The following PDE1C variants were observed in gnomAD, a reference collection of about 807,000 sequenced individuals.
The protein encoded by PDE1C is dual specificity calcium/calmodulin-dependent 3',5'-cyclic nucleotide phosphodiesterase 1C.
Under a neutral mutation model 93.1 loss-of-function variants are expected in PDE1C, and 62 were observed. The observed-to-expected ratio is 0.67, with a 90% CI of 0.54 to 0.82. The LOEUF (loss-of-function observed/expected upper bound fraction) is 0.82, where lower values mean the gene tolerates loss of function less well. Ranked by LOEUF, PDE1C falls within the 40% of genes least tolerant of loss-of-function variation. The probability of loss-of-function intolerance (pLI) is 0.00; values close to 1 mark genes in which losing one functional copy is unlikely to be tolerated. For missense variants in PDE1C, 742 were observed against 884.6 expected, an observed-to-expected ratio of 0.84 and a Z score of 2.04; for synonymous variants, 325 against 310.1, an observed-to-expected ratio of 1.05 and a Z score of -0.50.
At chr7:31,642,682 A>T in the PDE1C span, 3 of 1,612,890 alleles carry the variant, frequency 1.9e-6, no homozygotes, top group Non-Finnish European at 2.5e-6. Context: ...TCCCCTACAG[A>T]TGCCTTCCTT....
chr7:31,902,486 A>T (rs1037586502), intron 2 of PDE1C, among the ~76,000 whole-genome samples: 1 of 151,812 alleles, frequency 6.6e-6, no homozygotes, highest in African/African-American at 2.4e-5. Context: ...AATTAGTATG[A>T]TCTTCTTGGT....
the PDE1C span, among the ~76,000 whole-genome samples, chr7:31,647,673 CAAAAAAAAAAAA>C: frequency 2.9e-5 from 2 of 69,340 alleles, no homozygotes; most frequent in Admixed American, 1.9e-4. Flanking sequence ...GTCTCCGTCT[CAAAAAAAAAAAA>C]AAAAAAAAAA....
At chr7:31,747,984 T>C (rs544682767), downstream of PDE1C, among the ~76,000 whole-genome samples, 5 of 152,324 alleles carry the variant, frequency 3.3e-5, no homozygotes, top group African/African-American at 4.8e-5. Context: ...ATCCTGTTCT[T>C]GTGGCCTTTC....
chr7:31,697,874 A>G, the PDE1C span, among the ~76,000 whole-genome samples: 85 of 152,352 alleles, frequency 5.6e-4, no homozygotes, highest in Non-Finnish European at 2.1e-4. Flanking sequence ...TTGCAGACTA[A>G]GAAACAGAGA....
chr7:32,210,761 A>C (rs7796264), intron 1 of PDE1C, among the ~76,000 whole-genome samples: 74,234 of 152,060 alleles, frequency 0.49, 18,774 homozygotes, highest in African/African-American at 0.63. Context: ...TTAATAAATT[A>C]CATCTTAGTA....
intron 2 of PDE1C, among the ~76,000 whole-genome samples, chr7:31,945,766 T>A (rs1806524448): frequency 6.6e-6 from 1 of 152,196 alleles, no homozygotes; most frequent in African/African-American, 2.4e-5. Context: ...TTTCTTCTAC[T>A]CCATTCTCTT....
In PDE1C at chr7:32,278,147, A is replaced by C. The variant is rs577337355; in HGVS notation, c.85+20504T>G. Among the ~76,000 whole-genome samples the C allele has an allele frequency of 2.0e-5, 3 of 148,692 alleles. No individual in the cohort carries two copies. In the South Asian group the frequency reaches 6.4e-4, roughly 32 times the overall value. Reference sequence around the variant, plus strand: ...GTTGCCAAAAAAAAAAAAATGCAGGAGAGAAGGAAGGATTCCAAGAAGATA... The same window carrying C: ...GTTGCCAAAAAAAAAAAAATGCAGGCGAGAAGGAAGGATTCCAAGAAGATA... On this transcript the variant is annotated intron_variant, in intron 1 of 18. Transcript: ENST00000396193.
intron 1 of PDE1C, among the ~76,000 whole-genome samples, chr7:32,323,544 A>C (rs1057089448): frequency 3.3e-5 from 5 of 152,190 alleles, no homozygotes; most frequent in South Asian, 2.1e-4. Context: ...ACATGTGCTC[A>C]ATCTCCAGAA....
chr7:31,682,071 C>T, the PDE1C span, among the ~76,000 whole-genome samples: 1 of 152,182 alleles, frequency 6.6e-6, no homozygotes, highest in South Asian at 2.1e-4. Context: ...TCTTAGCTGT[C>T]TACTTGACCT....
the PDE1C span, among the ~76,000 whole-genome samples, chr7:31,636,781 GGTTT>G: frequency 3.3e-5 from 5 of 151,570 alleles, no homozygotes; most frequent in East Asian, 1.9e-4. Flanking sequence ...GTAATGTGCA[GGTTT>G]GTTACATATG....
chr7:32,415,766 TG>T (rs1424911669), intron 1 of PDE1C, among the ~76,000 whole-genome samples: 1 of 152,120 alleles, frequency 6.6e-6, no homozygotes, highest in Non-Finnish European at 1.5e-5. Context: ...ACAATTAGTG[TG>T]GCTGTGGAAA....
intron 1 of PDE1C, among the ~76,000 whole-genome samples, chr7:32,261,808 C>T (rs1461210537): frequency 6.6e-6 from 1 of 152,200 alleles, no homozygotes. Flanking sequence ...ATAATGCATT[C>T]TCTCAGCATC....
chr7:32,355,762 G>A (rs12532144), intron 1 of PDE1C, among the ~76,000 whole-genome samples: 13,491 of 152,168 alleles, frequency 0.089, 707 homozygotes, highest in East Asian at 0.13. Flanking sequence ...TCCCTGGTTT[G>A]TCCCAGAGCC....
chr7:32,011,374 A>G (rs1344060456), intron 2 of PDE1C, among the ~76,000 whole-genome samples: 1 of 152,020 alleles, frequency 6.6e-6, no homozygotes, highest in Non-Finnish European at 1.5e-5. Context: ...TTGTATTTTT[A>G]GTAGAGACAG....
rs142779701 is a variant in PDE1C at position 31,840,282 on chromosome 7, T to C, written c.981-2311A>G. On this transcript the variant is annotated intron_variant, in intron 9 of 17. Coordinates refer to ENST00000396191, the MANE Select transcript of PDE1C (RefSeq NM_001191057.4). Reference sequence around the variant, plus strand: ...CATTTGTATACATTTTTTAGGGAAATGTCTGTTTCAAACCTTTCTCATTTT... The same window carrying C: ...CATTTGTATACATTTTTTAGGGAAACGTCTGTTTCAAACCTTTCTCATTTT... 5.9e-4 allele frequency among the ~76,000 whole-genome samples: 90 copies of C among 152,286 alleles called. 1 individual carries two copies. In the Middle Eastern group the frequency reaches 0.01, roughly 17 times the overall value.
the PDE1C span, chr7:31,643,058 A>T: frequency 1.2e-6 from 2 of 1,613,972 alleles, no homozygotes; most frequent in Non-Finnish European, 8.5e-7. Context: ...TCCAAATATG[A>T]TCATCCTCTG....
intron 1 of PDE1C, among the ~76,000 whole-genome samples, chr7:32,055,634 A>T (rs184172870): frequency 3.5e-4 from 53 of 152,354 alleles, no homozygotes; most frequent in Non-Finnish European, 6.8e-4. Flanking sequence ...GCTGGAAAAA[A>T]AACCCCAGTT....
At chr7:32,179,522 G>A (rs961319476) in intron 2 of PDE1C, among the ~76,000 whole-genome samples, 3 of 152,138 alleles carry the variant, frequency 2.0e-5, no homozygotes, top group African/African-American at 7.2e-5. Flanking sequence ...GCCTACCAAA[G>A]TGCTGGCATT....
intron 2 of PDE1C, among the ~76,000 whole-genome samples, chr7:31,940,003 G>C (rs1211100282): frequency 6.6e-6 from 1 of 152,154 alleles, no homozygotes; most frequent in African/African-American, 2.4e-5. Flanking sequence ...CCAAACTAGA[G>C]CAAAATGTCA....
Sources: allele counts gnomAD v4.1 joint callset (sites outside exome capture counted in the v4.1 genomes callset), GRCh38; gene constraint gnomAD v4.1.1; transcripts MANE v1.5; gene names NCBI Gene and HGNC (gene_info 2026-07-23, HGNC 2026-07-21).